Variants in TSPAN6 observed in about 807,000 individuals in gnomAD.
TSPAN6 encodes the protein tetraspanin 6, also known as tetraspanin-6.
In TSPAN6, 13 loss-of-function variants were observed where a neutral mutation model predicts 18.0. The observed-to-expected ratio is 0.72, with a 90% CI of 0.47 to 1.15. The LOEUF (loss-of-function observed/expected upper bound fraction) is 1.15, where lower values mean the gene tolerates loss of function less well. Ranked by LOEUF, TSPAN6 falls within the 50% of genes most tolerant of loss-of-function variation. The pLI, the probability that TSPAN6 is intolerant of heterozygous loss-of-function variation, is 0.00. For missense variants in TSPAN6, 186 were observed against 183.9 expected, an observed-to-expected ratio of 1.01 and a Z score of -0.07; for synonymous variants, 82 against 67.0, an observed-to-expected ratio of 1.22 and a Z score of -1.09.
intron 1 of TSPAN6, chrX:100,636,240 T>C: frequency 3.7e-6 from 3 of 815,979 alleles, no homozygotes; most frequent in Non-Finnish European, 2.9e-6. Context: ...GACACTATTA[T>C]GCAAGTGAGC....
chrX:100,632,427 T>C, intron 6 of TSPAN6, 58 bp downstream of exon 6: 2 of 945,635 alleles, frequency 2.1e-6, no homozygotes, highest in Non-Finnish European at 3.0e-6. Flanking sequence ...AGTGAAAATC[T>C]TCTAGCTTAC....
In TSPAN6 at chrX:100,628,576, C is replaced by T. The variant is rs2083038971; in HGVS notation, c.*1450G>A. The T allele has an allele frequency of 8.9e-6, 1 of 111,818 alleles. No individual in the cohort carries two copies. The highest frequency in any genetic ancestry group is 3.7e-4 in the South Asian group (1 of 2,670). 9.2% of individuals were successfully genotyped at this position (111,818 alleles called of 1,213,427 possible). On this transcript the variant is annotated 3_prime_UTR_variant, in exon 8 of 8. Transcript: ENST00000373020. ...CTCAAATTTTAGTAATTATTATTTT[C>T]CTTATTAATTTCCCTATTATCCTGA... is the stretch of plus-strand genomic sequence containing the variant.
rs752585613 is a variant in TSPAN6 at position 100,633,980 on chromosome X, T to C, written c.401A>G (p.Asn134Ser). ...ATGGCTTCTATAATCTCCTGTAGAG[T>C]TATACTGCTTCAAAGCCTTCTCATA... ...NNYEKALKQY[N>S]STGDYRSHAV... The change falls in exon 4 of 8, where the codon AAC becomes AGC. Residue 134 changes from asparagine (N) to serine (S), a missense_variant. Transcript: ENST00000373020. The C allele has an allele frequency of 3.3e-6, 4 of 1,204,746 alleles. No individual in the cohort carries two copies. The South Asian group carries it at 7.1e-5, about 21-fold the overall frequency.
chrX:100,636,308 G>A, intron 1 of TSPAN6: 1 of 901,563 alleles, frequency 1.1e-6, no homozygotes, highest in Non-Finnish European at 1.4e-6. Context: ...GTCACCGTCT[G>A]CGTGCTCTGG....
chrX:100,628,472 G>C lies in TSPAN6; in HGVS notation c.*1554C>G, dbSNP rs921622864. ...CCCCCTTACCATCAATTCAAGGACT[G>C]TGGCAATCAGACTAGACAGGTTCTA... On this transcript the variant is annotated 3_prime_UTR_variant, in exon 8 of 8. Transcript: ENST00000373020. 1 of 111,715 alleles carries C rather than the reference G, an allele frequency of 9.0e-6. No homozygotes were observed. Among genetic ancestry groups the C allele is most frequent in the Non-Finnish European group, 1.9e-5 (1 of 53,165 alleles). The allele number at this position is 111,715 out of a possible 1,213,427, so 9.2% of individuals were successfully genotyped here.
chrX:100,629,493 T>C lies in TSPAN6; in HGVS notation c.*533A>G, dbSNP rs1204865170. ...GTCATAAAACATTTTAACTTCTTGG[T>C]GCAAATTATACAATCAAACCAGATA... On this transcript the variant is annotated 3_prime_UTR_variant, in exon 8 of 8. Transcript: ENST00000373020. 1 of 112,049 alleles carries C rather than the reference T, an allele frequency of 8.9e-6. No individual in the cohort carries two copies. Among genetic ancestry groups the C allele is most frequent in the African/African-American group, 3.2e-5 (1 of 30,838 alleles). 9.2% of individuals were successfully genotyped at this position (112,049 alleles called of 1,213,427 possible).
rs754962694 is a variant in TSPAN6 at position 100,635,268 on chromosome X, G to C, written c.277-16C>G. On this transcript the variant is annotated splice_polypyrimidine_tract_variant and intron_variant, in intron 2 of 7. Coordinates refer to ENST00000373020, the MANE Select transcript of TSPAN6 (RefSeq NM_003270.4). The stretch of plus-strand genomic sequence containing the variant: ...ACATTGCATACTGCAGGATAAGAAA[G>C]AAAGTCCAAGTCAGCATAAATAAGA... The C allele has an allele frequency of 1.7e-6, 2 of 1,145,890 alleles. No homozygotes were observed. Among genetic ancestry groups the C allele is most frequent in the Non-Finnish European group, 2.4e-6 (2 of 844,800 alleles). The allele number at this position is 1,145,890 out of a possible 1,213,427, so 94.4% of individuals were successfully genotyped here. A position where few individuals can be genotyped will look rare whatever the true frequency, so the allele number is the denominator to read the frequency against.
At chrX:100,631,464 A>T (rs2083058481) in intron 6 of TSPAN6, among the ~76,000 whole-genome samples, 3 of 112,149 alleles carry the variant, frequency 2.7e-5, no homozygotes, top group African/African-American at 9.7e-5. Flanking sequence ...ACGAAACTTG[A>T]ATTAGTCTTA....
In TSPAN6 at chrX:100,636,767, C is replaced by G; in HGVS notation, c.-73G>C. On this transcript the variant is annotated 5_prime_UTR_variant, in exon 1 of 8. Transcript: ENST00000373020. ...AGAGCGAGACGCGGAGTCCCCGAGT[C>G]TCCCCGGAAACTGCCGAAAACTTAC... 9.2e-7 allele frequency: 1 copy of G among 1,083,977 alleles called. No homozygotes were observed. The highest frequency in any genetic ancestry group is 1.2e-6 in the Non-Finnish European group (1 of 821,478). 89.3% of individuals were successfully genotyped at this position (1,083,977 alleles called of 1,213,427 possible). A position where few individuals can be genotyped will look rare whatever the true frequency, so the allele number is the denominator to read the frequency against.
chrX:100,633,581 T>A lies in TSPAN6; in HGVS notation c.451-42A>T, dbSNP rs200241120. On this transcript the variant is annotated intron_variant, in intron 4 of 7. Coordinates refer to ENST00000373020, the MANE Select transcript of TSPAN6 (RefSeq NM_003270.4). The stretch of plus-strand genomic sequence containing the variant: ...AAGCATTTACAGTTTATATTACAAC[T>A]TTGTAGTCAAACATTTAACCTAATA... 5 of 1,139,118 alleles carry A rather than the reference T, an allele frequency of 4.4e-6. No homozygotes were observed. The East Asian group carries it at 1.5e-4, about 34-fold the overall frequency. 93.9% of individuals were successfully genotyped at this position (1,139,118 alleles called of 1,213,427 possible). A position where few individuals can be genotyped will look rare whatever the true frequency, so the allele number is the denominator to read the frequency against.
In TSPAN6 at chrX:100,630,867, C is replaced by T; in HGVS notation, c.670-1G>A. 1 of 1,191,677 alleles carries T rather than the reference C, an allele frequency of 8.4e-7. No homozygotes were observed. The highest frequency in any genetic ancestry group is 2.2e-5 in the Admixed American group (1 of 45,916). ...AGTAGGCGAGAAAGATTCCAATCAG[C>T]TAGAAATAAAATAGGAACAAAATTA... is the stretch of plus-strand genomic sequence containing the variant. On this transcript the variant is annotated splice_acceptor_variant, in intron 6 of 7. Transcript: ENST00000373020. LOFTEE classifies it high-confidence loss of function.
In TSPAN6 at chrX:100,635,584, G is replaced by C; in HGVS notation, c.250C>G (p.Arg84Gly). 3.3e-6 allele frequency: 4 copies of C among 1,197,143 alleles called. No individual in the cohort carries two copies. The highest frequency in any genetic ancestry group is 1.7e-5 in the African/African-American group (1 of 57,531). The change falls in exon 2 of 8, where the codon CGA becomes GGA. Residue 84 changes from arginine (R) to glycine (G), a missense_variant. Arg to Gly is a moderately radical substitution (Grantham distance 125, BLOSUM62 -2). Coordinates refer to ENST00000373020, the MANE Select transcript of TSPAN6 (RefSeq NM_003270.4). ...AGTTTTAGCATCCATGCAGAAGCTC[G>C]GCAGGTAGCAAAACAACCAAAGGTG... Reference protein sequence around the residue: ...LGTFGCFATCRASAWMLKLYA... With the variant: ...LGTFGCFATCGASAWMLKLYA...
intron 2 of TSPAN6, 49 bp from the exon 3 acceptor site, chrX:100,635,301 C>T (rs1313119563): frequency 1.0e-6 from 1 of 965,441 alleles, no homozygotes; most frequent in South Asian, 2.2e-5. Flanking sequence ...AGATATAGCA[C>T]AACTGCAAAG....
rs2083035116 is a variant in TSPAN6 at position 100,627,955 on chromosome X, G to A, written c.*2071C>T. On this transcript the variant is annotated 3_prime_UTR_variant, in exon 8 of 8. Coordinates refer to ENST00000373020, the MANE Select transcript of TSPAN6 (RefSeq NM_003270.4). ...GTCTCCCAAGTAGCTGGGATTACAG[G>A]TGCTTGCCACCACACCCAGCTAATT... 1 of 109,433 alleles carries A rather than the reference G, an allele frequency of 9.1e-6. No homozygotes were observed. Among genetic ancestry groups the A allele is most frequent in the Non-Finnish European group, 1.9e-5 (1 of 52,591 alleles). The allele number at this position is 109,433 out of a possible 1,213,427, so 9.0% of individuals were successfully genotyped here.
intron 3 of TSPAN6, among the ~76,000 whole-genome samples, chrX:100,634,506 T>C (rs1320086391): frequency 9.0e-6 from 1 of 110,703 alleles, no homozygotes; most frequent in Non-Finnish European, 1.9e-5. Context: ...AGCTTTTTTT[T>C]TTTGAGATGG....
intron 2 of TSPAN6, 88 bp downstream of exon 2, chrX:100,635,470 G>C: frequency 4.6e-6 from 4 of 875,904 alleles, no homozygotes; most frequent in Non-Finnish European, 6.2e-6. Flanking sequence ...AATTGTAAAG[G>C]GCCATGGCCA....
chrX:100,635,415 G>T, intron 2 of TSPAN6, 143 bp downstream of exon 2: 1 of 665,176 alleles, frequency 1.5e-6, no homozygotes, highest in African/African-American at 2.2e-5. Context: ...AGTGGAAACT[G>T]GCAGCTGAAC....
At chrX:100,633,635 T>G (rs2083075124) in intron 4 of TSPAN6, 96 bp from the exon 5 acceptor site, 1 of 882,296 alleles carries the variant, frequency 1.1e-6, no homozygotes, top group Non-Finnish European at 1.6e-6. Flanking sequence ...GCTCAAAACA[T>G]TTACTAATCT....
chrX:100,634,244 A>G (rs182003573), intron 3 of TSPAN6, among the ~76,000 whole-genome samples: 1 of 111,297 alleles, frequency 9.0e-6, no homozygotes, highest in African/African-American at 3.3e-5. Context: ...GAGAACCACT[A>G]CAAGTTCAAA....
Sources: allele counts gnomAD v4.1 joint callset (sites outside exome capture counted in the v4.1 genomes callset), GRCh38; gene constraint gnomAD v4.1.1; transcripts MANE v1.5; gene names NCBI Gene and HGNC (gene_info 2026-07-23, HGNC 2026-07-21).